Variants in MYCBP2 observed in about 807,000 individuals in gnomAD.
MYCBP2 encodes E3 ubiquitin-protein ligase MYCBP2.
MYCBP2 carries 120 observed loss-of-function variants against 525.3 expected under a neutral mutation model. The observed-to-expected ratio is 0.23, with a 90% CI of 0.20 to 0.27. The LOEUF (loss-of-function observed/expected upper bound fraction) is 0.27, where lower values mean the gene tolerates loss of function less well. Among genes scored for constraint, MYCBP2 ranks in the 10% least tolerant of loss-of-function variants. The pLI is 1.00. For synonymous variants in MYCBP2, 1,894 were observed against 1,955.8 expected, an observed-to-expected ratio of 0.97 and a Z score of 0.83; for missense variants, 4,149 against 5,657.1, an observed-to-expected ratio of 0.73 and a Z score of 8.55.
At chr13:77,292,200 A>T (rs1242906088) in intron 2 of MYCBP2, among the ~76,000 whole-genome samples, 2 of 152,222 alleles carry the variant, frequency 1.3e-5, no homozygotes, top group Non-Finnish European at 2.9e-5. Flanking sequence ...ATGAAAGCTC[A>T]GTCAATGAAG....
chr13:77,057,187 G>T, intron 78 of MYCBP2, 94 bp from the exon 79 acceptor site: 1 of 817,138 alleles, frequency 1.2e-6, no homozygotes, highest in Non-Finnish European at 2.0e-6. Flanking sequence ...ACTACTTAAA[G>T]CAGGTAAGAG....
At chr13:77,117,968 T>C (rs142855337) in intron 55 of MYCBP2, among the ~76,000 whole-genome samples, 1 of 152,296 alleles carries the variant, frequency 6.6e-6, no homozygotes, top group East Asian at 1.9e-4. Flanking sequence ...ATACATTTCA[T>C]AGATACCAAA....
intron 13 of MYCBP2, among the ~76,000 whole-genome samples, chr13:77,258,880 A>C (rs991526719): frequency 1.3e-5 from 2 of 152,202 alleles, no homozygotes; most frequent in African/African-American, 4.8e-5. Context: ...GCAGGTAGAA[A>C]AAAACAAAAA....
intron 2 of MYCBP2, 28 bp downstream of exon 2, chr13:77,296,571 A>T: frequency 6.4e-7 from 1 of 1,562,884 alleles, no homozygotes; most frequent in Non-Finnish European, 8.6e-7. Context: ...AAAAAGTCCT[A>T]TTCCTTATCA....
chr13:77,213,707 A>G lies in MYCBP2; in HGVS notation c.3058-1547T>C, dbSNP rs369184643. Among the ~76,000 whole-genome samples, 251 of 152,352 alleles carry G rather than the reference A, an allele frequency of 1.6e-3. 1 individual carries two copies. The highest frequency in any genetic ancestry group is 5.5e-3 in the African/African-American group (227 of 41,580). On this transcript the variant is annotated intron_variant, in intron 21 of 82. Transcript: ENST00000544440. ...TAAATAAGCCACATTTAAATTCATA[A>G]AAGTTCACAACTAGGACTGCTGGGA... is the stretch of plus-strand genomic sequence containing the variant.
intron 55 of MYCBP2, among the ~76,000 whole-genome samples, chr13:77,116,390 G>GA (rs2049771024): frequency 2.0e-5 from 3 of 152,056 alleles, no homozygotes; most frequent in African/African-American, 4.8e-5. Flanking sequence ...CTTGCTTGGG[G>GA]AGTCTTAAAT....
At chr13:77,087,044 T>C (rs780151297) in intron 62 of MYCBP2, among the ~76,000 whole-genome samples, 16 of 152,180 alleles carry the variant, frequency 1.1e-4, no homozygotes, top group Non-Finnish European at 2.1e-4. Flanking sequence ...TGTCTATTGT[T>C]TTTGTTAGTT....
rs184458604 is a variant in MYCBP2, at chr13:77,155,707, C to A, written c.6915+351G>T. Among the ~76,000 whole-genome samples, 274 of 152,204 alleles carry A rather than the reference C, an allele frequency of 1.8e-3. 1 individual carries two copies. Among genetic ancestry groups the A allele is most frequent in the Non-Finnish European group, 2.9e-3 (195 of 67,982 alleles). On this transcript the variant is annotated intron_variant, in intron 46 of 82. Transcript: ENST00000544440. Reference sequence around the variant, plus strand: ...CAGAACGTACTTGAGTCTTTCAAAACTATACACAAAATTTAAAAATGTATT... The same window carrying A: ...CAGAACGTACTTGAGTCTTTCAAAAATATACACAAAATTTAAAAATGTATT...
intron 1 of MYCBP2, among the ~76,000 whole-genome samples, chr13:77,319,827 C>A (rs1038337062): frequency 6.6e-6 from 1 of 152,192 alleles, no homozygotes; most frequent in Non-Finnish European, 1.5e-5. Context: ...AGCCAATAAT[C>A]CAGCTTCAAA....
intron 80 of MYCBP2, among the ~76,000 whole-genome samples, chr13:77,053,826 T>G (rs757821061): frequency 1.3e-5 from 2 of 152,206 alleles, no homozygotes; most frequent in Non-Finnish European, 2.9e-5. Context: ...ACCTTTCTCA[T>G]GTAGTCATTC....
intron 1 of MYCBP2, among the ~76,000 whole-genome samples, chr13:77,314,046 T>C (rs547532018): frequency 6.6e-6 from 1 of 152,296 alleles, no homozygotes; most frequent in South Asian, 2.1e-4. Context: ...CTCTCATTTA[T>C]TGCTGGTGGA....
Position 77,121,382 on chromosome 13 carries a change from T to G in MYCBP2, c.8131A>C (p.Asn2711His), listed in dbSNP as rs1485680452. ...SAQGFDYGLG[N>H]SKGDRGNIST... Reference sequence around the variant, plus strand: ...ACTTTTAAATACCTACCTTTGCTATTTCCGAGTCCATAATCAAATCCTTGG... The same window carrying G: ...ACTTTTAAATACCTACCTTTGCTATGTCCGAGTCCATAATCAAATCCTTGG... Residue 2711 changes from asparagine (N) to histidine (H), a missense_variant, in exon 55 of 83, where the codon AAT (asparagine) becomes CAT (histidine). Asn to His is a moderately conservative substitution (Grantham distance 68, BLOSUM62 1). Coordinates refer to ENST00000544440, the MANE Select transcript of MYCBP2 (RefSeq NM_015057.5). 1.9e-6 allele frequency: 3 copies of G among 1,556,802 alleles called. No homozygotes were observed. Among genetic ancestry groups the G allele is most frequent in the African/African-American group, 2.7e-5 (2 of 73,896 alleles).
chr13:77,167,923 A>C (rs146027799), intron 40 of MYCBP2, among the ~76,000 whole-genome samples: 1 of 152,328 alleles, frequency 6.6e-6, no homozygotes, highest in East Asian at 1.9e-4. Flanking sequence ...TCTCTTCCTT[A>C]ATTTGCATGA....
At chr13:77,107,115 A>C (rs79181378) in intron 55 of MYCBP2, among the ~76,000 whole-genome samples, 3,471 of 152,288 alleles carry the variant, frequency 0.023, 70 homozygotes, top group Non-Finnish European at 0.036. Flanking sequence ...TGATGGGAAC[A>C]GTGTTGCTGA....
intron 60 of MYCBP2, among the ~76,000 whole-genome samples, chr13:77,089,421 A>C (rs1250107662): frequency 6.6e-6 from 1 of 152,136 alleles, no homozygotes; most frequent in Non-Finnish European, 1.5e-5. Flanking sequence ...TGAACCTATA[A>C]ATTGCTGGAC....
chr13:77,215,644 A>C (rs1324870725), intron 21 of MYCBP2, among the ~76,000 whole-genome samples: 1 of 152,150 alleles, frequency 6.6e-6, no homozygotes, highest in Non-Finnish European at 1.5e-5. Context: ...GAGGGCAATG[A>C]TGGAATCACA....
chr13:77,120,972 T>C (rs1416650835), intron 55 of MYCBP2, among the ~76,000 whole-genome samples: 1 of 152,146 alleles, frequency 6.6e-6, no homozygotes, highest in Non-Finnish European at 1.5e-5. Context: ...AAAAATATTA[T>C]TTAGAAGTAA....
intron 47 of MYCBP2, among the ~76,000 whole-genome samples, chr13:77,147,987 T>C (rs1163513858): frequency 6.6e-6 from 1 of 152,128 alleles, no homozygotes; most frequent in East Asian, 1.9e-4. Context: ...CATTCCGTTG[T>C]GGTAACAAAA....
intron 43 of MYCBP2, among the ~76,000 whole-genome samples, chr13:77,162,971 T>C (rs1029364329): frequency 6.6e-6 from 1 of 152,202 alleles, no homozygotes; most frequent in Non-Finnish European, 1.5e-5. Flanking sequence ...GAGTAATGTA[T>C]GCAAAAATGG....
Sources: allele counts gnomAD v4.1 joint callset (sites outside exome capture counted in the v4.1 genomes callset), GRCh38; gene constraint gnomAD v4.1.1; transcripts MANE v1.5; gene names NCBI Gene and HGNC (gene_info 2026-07-23, HGNC 2026-07-21).